Variants in NCKAP5 observed in about 807,000 individuals in gnomAD.
NCKAP5 encodes the protein nck-associated protein 5.
A neutral mutation model predicts 167.0 loss-of-function variants in NCKAP5; 92 were observed. The observed-to-expected ratio is 0.55, with a 90% CI of 0.47 to 0.66. The LOEUF (loss-of-function observed/expected upper bound fraction) is 0.66. NCKAP5 is among the 30% of genes least tolerant of loss of function. The pLI, the probability that NCKAP5 is intolerant of heterozygous loss-of-function variation, is 0.00. For missense variants in NCKAP5, 2,378 were observed against 2,315.0 expected (o/e 1.03, Z -0.56); for synonymous variants, 891 against 877.4 (o/e 1.02, Z -0.27).
At chr2:133,324,550 C>T (rs188583381) in intron 3 of NCKAP5, among the ~76,000 whole-genome samples, 3 of 152,240 alleles carry the variant, frequency 2.0e-5, no homozygotes, top group Non-Finnish European at 4.4e-5. Context: ...GTTGCTGAAG[C>T]ACACAGAGGA....
intron 6 of NCKAP5, among the ~76,000 whole-genome samples, chr2:133,043,600 G>C (rs1448051786): frequency 1.3e-5 from 2 of 152,114 alleles, no homozygotes; most frequent in African/African-American, 4.8e-5. Context: ...AAACCATCCT[G>C]GGTCACATGC....
At chr2:132,860,444 G>A in intron 11 of NCKAP5, 48 bp downstream of exon 11, 1 of 1,546,258 alleles carries the variant, frequency 6.5e-7, no homozygotes, top group Non-Finnish European at 8.7e-7. Context: ...GTAACTTCCT[G>A]TCAATAGCAT....
At chr2:132,880,554 T>C (rs1311175925) in intron 8 of NCKAP5, among the ~76,000 whole-genome samples, 1 of 151,994 alleles carries the variant, frequency 6.6e-6, no homozygotes, top group Non-Finnish European at 1.5e-5. Context: ...CACTTGAATC[T>C]GGGAGGTGCA....
intron 19 of NCKAP5, among the ~76,000 whole-genome samples, chr2:132,681,054 C>A (rs1246341846): frequency 6.6e-6 from 1 of 151,828 alleles, no homozygotes; most frequent in African/African-American, 2.4e-5. Context: ...ATTGGGCAAA[C>A]AAGACAGCTC....
chr2:133,341,977 T>C (rs1210822000), intron 3 of NCKAP5, among the ~76,000 whole-genome samples: 1 of 152,144 alleles, frequency 6.6e-6, no homozygotes, highest in Non-Finnish European at 1.5e-5. Flanking sequence ...CTCACTCTGT[T>C]ACCCAGGCTG....
chr2:133,419,705 G>A (rs1477200369), intron 3 of NCKAP5, among the ~76,000 whole-genome samples: 1 of 151,932 alleles, frequency 6.6e-6, no homozygotes, highest in Non-Finnish European at 1.5e-5. Flanking sequence ...GATTTTCCTG[G>A]GCTATTTACA....
intron 11 of NCKAP5, among the ~76,000 whole-genome samples, chr2:132,807,160 G>C (rs1685505103): frequency 6.6e-6 from 1 of 152,088 alleles, no homozygotes; most frequent in Non-Finnish European, 1.5e-5. Flanking sequence ...GGTGACTATG[G>C]CCTTATAGTA....
chr2:133,281,697 A>T (rs1273405692), intron 4 of NCKAP5, among the ~76,000 whole-genome samples: 2 of 152,172 alleles, frequency 1.3e-5, no homozygotes, highest in African/African-American at 4.8e-5. Context: ...TGTAGGCAGG[A>T]TATTTTGGAA....
At chr2:133,528,189 ATATT>A (rs1160636383) in intron 2 of NCKAP5, among the ~76,000 whole-genome samples, 2 of 152,162 alleles carry the variant, frequency 1.3e-5, no homozygotes, top group Non-Finnish European at 2.9e-5. Flanking sequence ...ACATATATAT[ATATT>A]TATACTATGC....
chr2:133,524,983 T>C (rs781634299), intron 2 of NCKAP5, among the ~76,000 whole-genome samples: 45 of 152,236 alleles, frequency 3.0e-4, no homozygotes, highest in Middle Eastern at 3.4e-3. Flanking sequence ...TATGTGTGCA[T>C]GTGTGTGTGT....
intron 3 of NCKAP5, among the ~76,000 whole-genome samples, chr2:133,429,249 C>T (rs1327260253): frequency 6.6e-6 from 1 of 152,058 alleles, no homozygotes; most frequent in African/African-American, 2.4e-5. Flanking sequence ...GTAAAAACAA[C>T]AGTATTAGAT....
At chr2:133,393,056 G>C (rs1236995112) in intron 3 of NCKAP5, among the ~76,000 whole-genome samples, 1 of 152,206 alleles carries the variant, frequency 6.6e-6, no homozygotes, top group Non-Finnish European at 1.5e-5. Flanking sequence ...GCTGAATCAA[G>C]AGCCACTGAC....
chr2:133,278,058 C>G lies in NCKAP5; in HGVS notation c.143+24979G>C, dbSNP rs529122177. Among the ~76,000 whole-genome samples, 4 of 152,264 alleles carry G rather than the reference C, an allele frequency of 2.6e-5. No individual in the cohort carries two copies. The East Asian group carries it at 7.7e-4, about 29-fold the overall frequency. On this transcript the variant is annotated intron_variant, in intron 4 of 19. Coordinates refer to ENST00000409261, the MANE Select transcript of NCKAP5 (RefSeq NM_207363.3). Reference sequence around the variant, plus strand: ...AGGAATAAAAAACCACAGGTGAATTCCTTTATCAGCTGGATGAAAGGAATG... The same window carrying G: ...AGGAATAAAAAACCACAGGTGAATTGCTTTATCAGCTGGATGAAAGGAATG...
At chr2:133,087,866 T>C (rs2081043700) in intron 6 of NCKAP5, among the ~76,000 whole-genome samples, 1 of 152,204 alleles carries the variant, frequency 6.6e-6, no homozygotes, top group Admixed American at 6.5e-5. Context: ...GAGCAATTAC[T>C]CTGTTGCAGG....
chr2:133,044,786 C>T (rs763799159), intron 6 of NCKAP5, among the ~76,000 whole-genome samples: 9 of 152,074 alleles, frequency 5.9e-5, no homozygotes, highest in Non-Finnish European at 7.4e-5. Context: ...GACAGTTCTT[C>T]GGACCAGGCA....
chr2:132,770,971 C>T (rs1344833620), intron 16 of NCKAP5, among the ~76,000 whole-genome samples: 1 of 152,100 alleles, frequency 6.6e-6, no homozygotes, highest in Non-Finnish European at 1.5e-5. Context: ...AAATCTAGCA[C>T]ATATAATGAT....
chr2:133,180,618 C>T (rs551470266), intron 5 of NCKAP5, among the ~76,000 whole-genome samples: 1 of 152,056 alleles, frequency 6.6e-6, no homozygotes, highest in Non-Finnish European at 1.5e-5. Flanking sequence ...GGATTACAGA[C>T]GTGAGCCACT....
At chr2:133,072,473 G>A (rs1402724544) in intron 6 of NCKAP5, among the ~76,000 whole-genome samples, 1 of 152,004 alleles carries the variant, frequency 6.6e-6, no homozygotes, top group Non-Finnish European at 1.5e-5. Context: ...CTATGTCCCT[G>A]AGTGCAGACA....
intron 6 of NCKAP5, among the ~76,000 whole-genome samples, chr2:133,014,496 A>G (rs1341872715): frequency 6.6e-6 from 1 of 152,184 alleles, no homozygotes; most frequent in African/African-American, 2.4e-5. Flanking sequence ...GCACCTCAAC[A>G]GGTGTGTTGT....
Sources: gnomAD v4.1 joint callset for allele counts (sites outside exome capture counted in the v4.1 genomes callset) on GRCh38, gnomAD v4.1.1 for gene constraint, MANE v1.5 for transcripts, NCBI Gene and HGNC (gene_info 2026-07-23, HGNC 2026-07-21) for gene names.